The following UBTD2 variants were observed in gnomAD, a reference collection of about 807,000 sequenced individuals.
UBTD2 encodes ubiquitin domain containing 2.
In UBTD2, 9 loss-of-function variants were observed where a neutral mutation model predicts 19.8. That is an observed-to-expected ratio of 0.46 (90% CI 0.27 to 0.79). UBTD2 has a LOEUF of 0.79. UBTD2 is among the 30% of genes least tolerant of loss of function. UBTD2 has a pLI of 0.14. For missense variants in UBTD2, 250 were observed against 300.4 expected, an observed-to-expected ratio of 0.83 and a Z score of 1.24; for synonymous variants, 98 against 103.9, an observed-to-expected ratio of 0.94 and a Z score of 0.35.
At chr5:172,232,534 G>A (rs915786515) in intron 2 of UBTD2, among the ~76,000 whole-genome samples, 24 of 152,178 alleles carry the variant, frequency 1.6e-4, no homozygotes, top group East Asian at 5.8e-4. Flanking sequence ...GAAAACTAAT[G>A]GTGATTTGGA....
At chr5:172,240,190 G>A (rs1197778630) in intron 1 of UBTD2, among the ~76,000 whole-genome samples, 7 of 152,184 alleles carry the variant, frequency 4.6e-5, no homozygotes, top group Non-Finnish European at 1.0e-4. Context: ...ATGTTGTGGA[G>A]ATACCAACCA....
At chr5:172,217,397 C>T (rs1260863138) in intron 2 of UBTD2, among the ~76,000 whole-genome samples, 6 of 127,660 alleles carry the variant, frequency 4.7e-5, no homozygotes, top group African/African-American at 6.2e-5. Flanking sequence ...CCAGCCTGGG[C>T]GAAAGTGCGA....
intron 2 of UBTD2, among the ~76,000 whole-genome samples, chr5:172,214,355 A>G (rs915319080): frequency 1.3e-5 from 2 of 152,252 alleles, no homozygotes; most frequent in Non-Finnish European, 2.9e-5. Flanking sequence ...TCTAAGTTAC[A>G]TAAGATGGGC....
At chr5:172,250,213 TAA>T (rs1754973686) in intron 1 of UBTD2, among the ~76,000 whole-genome samples, 1 of 151,988 alleles carries the variant, frequency 6.6e-6, no homozygotes, top group Admixed American at 6.6e-5. Flanking sequence ...GCCTGGGTAA[TAA>T]GAGCAAAACT....
intron 1 of UBTD2, among the ~76,000 whole-genome samples, 178 bp from the exon 2 acceptor site, chr5:172,234,536 T>C (rs988780038): frequency 2.6e-5 from 4 of 152,248 alleles, no homozygotes; most frequent in African/African-American, 7.2e-5. Flanking sequence ...CAAAAGTGAA[T>C]AGAGACATTA....
At chr5:172,277,737 T>A (rs888306070) in intron 1 of UBTD2, among the ~76,000 whole-genome samples, 16 of 150,628 alleles carry the variant, frequency 1.1e-4, no homozygotes, top group African/African-American at 2.4e-5. Context: ...ACTTTGTACA[T>A]GAAAGGACAC....
intron 1 of UBTD2, among the ~76,000 whole-genome samples, chr5:172,269,136 G>A (rs756580518): frequency 3.3e-5 from 5 of 152,088 alleles, no homozygotes; most frequent in African/African-American, 4.8e-5. Flanking sequence ...TAGGTGACAG[G>A]CGTTCAAGGG....
intron 1 of UBTD2, among the ~76,000 whole-genome samples, chr5:172,238,365 T>C (rs1457812623): frequency 6.6e-6 from 1 of 152,274 alleles, no homozygotes; most frequent in Non-Finnish European, 1.5e-5. Context: ...CCAACCATCT[T>C]TAGTGCACTA....
chr5:172,252,785 T>C (rs1156917346), intron 1 of UBTD2, among the ~76,000 whole-genome samples: 1 of 152,182 alleles, frequency 6.6e-6, no homozygotes, highest in Admixed American at 6.5e-5. Flanking sequence ...CAAAGCCCTC[T>C]TGCTTTCAAG....
chr5:172,266,555 A>G (rs948973686), intron 1 of UBTD2, among the ~76,000 whole-genome samples: 11 of 152,160 alleles, frequency 7.2e-5, no homozygotes, highest in African/African-American at 2.4e-4. Flanking sequence ...ACGGTTAAAC[A>G]TAAGTCTGTT....
chr5:172,260,278 C>T (rs13184113), intron 1 of UBTD2, among the ~76,000 whole-genome samples: 60,238 of 151,656 alleles, frequency 0.4, 12,146 homozygotes, highest in South Asian at 0.54. Context: ...CTTAATTTTC[C>T]TTACTCTCTC....
intron 2 of UBTD2, among the ~76,000 whole-genome samples, chr5:172,223,850 A>T (rs747894507): frequency 6.6e-6 from 1 of 152,154 alleles, no homozygotes; most frequent in Non-Finnish European, 1.5e-5. Flanking sequence ...TGAGAAGGAG[A>T]AAATGTACTT....
At chr5:172,233,735 T>C (rs1771951844) in intron 2 of UBTD2, among the ~76,000 whole-genome samples, 1 of 148,636 alleles carries the variant, frequency 6.7e-6, no homozygotes, top group Admixed American at 6.8e-5. Context: ...TGAGACTCTA[T>C]CTCTAGCGCT....
At chr5:172,217,484 T>C (rs1771569723) in intron 2 of UBTD2, among the ~76,000 whole-genome samples, 1 of 152,048 alleles carries the variant, frequency 6.6e-6, no homozygotes, top group Non-Finnish European at 1.5e-5. Flanking sequence ...TAAAAAAATT[T>C]TTTTTCTTAT....
At chr5:172,221,688 G>C (rs1016250459) in intron 2 of UBTD2, among the ~76,000 whole-genome samples, 1 of 152,150 alleles carries the variant, frequency 6.6e-6, no homozygotes, top group African/African-American at 2.4e-5. Context: ...GGTTGCCATG[G>C]GGTTAGGAGG....
intron 1 of UBTD2, 38 bp from the exon 2 acceptor site, chr5:172,234,396 A>G (rs1344175535): frequency 6.5e-7 from 1 of 1,538,370 alleles, no homozygotes; most frequent in Non-Finnish European, 9.0e-7. Context: ...CAAACCCAAA[A>G]TTTATAAAAT....
chr5:172,233,652 A>G (rs985243114), intron 2 of UBTD2, among the ~76,000 whole-genome samples: 1 of 152,166 alleles, frequency 6.6e-6, no homozygotes, highest in Non-Finnish European at 1.5e-5. Context: ...TTATGCCAAA[A>G]ATAGGCTTGA....
chr5:172,236,942 T>C, intron 1 of UBTD2, among the ~76,000 whole-genome samples: 1 of 152,142 alleles, frequency 6.6e-6, no homozygotes, highest in Non-Finnish European at 1.5e-5. Context: ...TTGGAAAAAT[T>C]GTAAAACACC....
intron 1 of UBTD2, among the ~76,000 whole-genome samples, chr5:172,250,777 T>C (rs1031943850): frequency 1.3e-5 from 2 of 150,500 alleles, no homozygotes; most frequent in Non-Finnish European, 3.0e-5. Context: ...TACAAAAAAA[T>C]AAAAAATTAG....
Sources: allele counts gnomAD v4.1 joint callset (sites outside exome capture counted in the v4.1 genomes callset), GRCh38; gene constraint gnomAD v4.1.1; transcripts MANE v1.5; gene names NCBI Gene and HGNC (gene_info 2026-07-23, HGNC 2026-07-21).